Variants in RARS2 observed in about 807,000 individuals in gnomAD.
The protein encoded by RARS2 is arginyl-tRNA synthetase 2, mitochondrial.
Under a neutral mutation model 88.5 loss-of-function variants are expected in RARS2, and 67 were observed. The ratio of observed to expected loss-of-function variants is 0.76; its 90% CI spans 0.62 to 0.93. The LOEUF (loss-of-function observed/expected upper bound fraction) is 0.93, where lower values mean the gene tolerates loss of function less well. RARS2 is among the 40% of genes least tolerant of loss of function. RARS2 has a pLI of 0.00. For synonymous variants in RARS2, 239 were observed against 230.3 expected, an observed-to-expected ratio of 1.04 and a Z score of -0.34; for missense variants, 664 against 684.2, an observed-to-expected ratio of 0.97 and a Z score of 0.33.
intron 8 of RARS2, among the ~76,000 whole-genome samples, chr6:87,531,738 C>T (rs1398377827): frequency 1.3e-5 from 2 of 151,954 alleles, no homozygotes; most frequent in South Asian, 2.1e-4. Flanking sequence ...AATCTGTGTT[C>T]CCAATGTAGT....
At chr6:87,517,069 G>C (rs936391938) in intron 17 of RARS2, among the ~76,000 whole-genome samples, 189 bp from the exon 18 acceptor site, 1 of 152,170 alleles carries the variant, frequency 6.6e-6, no homozygotes, top group African/African-American at 2.4e-5. Flanking sequence ...ATGAGGTCAG[G>C]AGTTTGAGAG....
intron 2 of RARS2, among the ~76,000 whole-genome samples, chr6:87,566,162 T>G (rs1302413464): frequency 6.6e-6 from 1 of 152,104 alleles, no homozygotes; most frequent in African/African-American, 2.4e-5. Context: ...AAAAAATTTA[T>G]ATTAAAAAAT....
At chr6:87,523,167 T>C (rs1315071266) in intron 11 of RARS2, among the ~76,000 whole-genome samples, 1 of 152,202 alleles carries the variant, frequency 6.6e-6, no homozygotes, top group Non-Finnish European at 1.5e-5. Flanking sequence ...GGGAAATTTT[T>C]TGATTCAATC....
chr6:87,557,913 C>T (rs541392798), intron 4 of RARS2, among the ~76,000 whole-genome samples: 1 of 152,292 alleles, frequency 6.6e-6, no homozygotes, highest in African/African-American at 2.4e-5. Context: ...TGGTGGCTCA[C>T]ACCTATAATC....
rs1394106691 is a variant in RARS2, at chr6:87,559,463, C to CCAA, written c.297+3238_297+3239insTTG. Among the ~76,000 whole-genome samples, 747 of 93,226 alleles carry CCAA rather than the reference C, an allele frequency of 8.0e-3. 39 individuals are homozygous for CCAA. The highest frequency in any genetic ancestry group is 0.015 in the African/African-American group (381 of 26,134). The allele number at this position is 93,226 out of a possible 152,430, so 61.2% of individuals were successfully genotyped here. A position where few individuals can be genotyped will look rare whatever the true frequency, so the allele number is the denominator to read the frequency against. ...GGGCAACAAGAGTGAAACTCTGTCT[C>CCAA]AAAAAAAAAAAAAAAAAAAAAAAAA... On this transcript the variant is annotated intron_variant, in intron 4 of 19. Coordinates refer to ENST00000369536, the MANE Select transcript of RARS2 (RefSeq NM_020320.5).
intron 8 of RARS2, among the ~76,000 whole-genome samples, chr6:87,539,472 C>A (rs1267133670): frequency 1.3e-5 from 2 of 152,248 alleles, no homozygotes; most frequent in African/African-American, 2.4e-5. Flanking sequence ...TTACATTGGT[C>A]CAAGCAAGCA....
chr6:87,554,703 C>T (rs997469615), intron 5 of RARS2, among the ~76,000 whole-genome samples: 2 of 152,148 alleles, frequency 1.3e-5, no homozygotes, highest in African/African-American at 4.8e-5. Context: ...ATCCTCCCAC[C>T]TTGCCTTCCA....
intron 1 of RARS2, chr6:87,589,644 C>G (rs1776389371): frequency 7.1e-6 from 7 of 984,252 alleles, no homozygotes; most frequent in Non-Finnish European, 8.4e-6. Flanking sequence ...CTTGCCGCCA[C>G]CCAGGTAAAG....
At position 87,564,110 on chromosome 6, in the gene RARS2, A is replaced by G. The variant is rs1788667768; in HGVS notation, c.213+20T>C. The stretch of plus-strand genomic sequence containing the variant: ...ACAAGTTTATTACAATGTCAAAAAG[A>G]GATAATAGTGCTAACGTACCTTCTC... On this transcript the variant is annotated intron_variant, in intron 3 of 19. Transcript: ENST00000369536. 1.3e-6 allele frequency: 2 copies of G among 1,538,568 alleles called. No individual in the cohort carries two copies. The highest frequency in any genetic ancestry group is 1.8e-6 in the Non-Finnish European group (2 of 1,111,126).
intron 8 of RARS2, among the ~76,000 whole-genome samples, chr6:87,537,978 G>C (rs761666812): frequency 2.6e-5 from 4 of 152,122 alleles, no homozygotes; most frequent in Non-Finnish European, 4.4e-5. Context: ...TTGAGTTGTT[G>C]ACATTCAGAT....
intron 8 of RARS2, among the ~76,000 whole-genome samples, chr6:87,541,201 G>A (rs991210659): frequency 1.3e-5 from 2 of 152,158 alleles, no homozygotes; most frequent in African/African-American, 4.8e-5. Flanking sequence ...TTCTGAGACA[G>A]GGTCTTGCTC....
intron 1 of RARS2, chr6:87,584,728 T>G: frequency 2.2e-6 from 1 of 462,968 alleles, no homozygotes; most frequent in Non-Finnish European, 4.3e-6. Flanking sequence ...GAAAGAAACA[T>G]TTAATATGGA....
At position 87,520,274 on chromosome 6, in the gene RARS2, TATAAA is replaced by T. The variant is rs781226908; in HGVS notation, c.1036-23_1036-19del. 7 of 1,548,524 alleles carry T rather than the reference TATAAA, an allele frequency of 4.5e-6. No homozygotes were observed. The Middle Eastern group carries it at 5.1e-4, about 113-fold the overall frequency. On this transcript the variant is annotated intron_variant, in intron 12 of 19. Coordinates refer to ENST00000369536, the MANE Select transcript of RARS2 (RefSeq NM_020320.5). Reference sequence around the variant, plus strand: ...TTATCTGTCTTGGGAAGAAAATATATATAAAATAAAAGAATACTGACAAATTAATG... The same window carrying T: ...TTATCTGTCTTGGGAAGAAAATATATATAAAAGAATACTGACAAATTAATG...
chr6:87,581,327 A>C (rs907964409), intron 1 of RARS2, among the ~76,000 whole-genome samples: 76 of 152,176 alleles, frequency 5.0e-4, no homozygotes, highest in African/African-American at 1.6e-3. Context: ...ACATTAACAT[A>C]ATCTATAGGC....
chr6:87,562,447 A>G (rs1788132297), intron 4 of RARS2, among the ~76,000 whole-genome samples: 1 of 152,218 alleles, frequency 6.6e-6, no homozygotes, highest in African/African-American at 2.4e-5. Flanking sequence ...ATGAAATGTC[A>G]TTATGTGGTA....
intron 8 of RARS2, among the ~76,000 whole-genome samples, chr6:87,538,775 T>C (rs1779965517): frequency 6.6e-6 from 1 of 152,168 alleles, no homozygotes; most frequent in East Asian, 1.9e-4. Context: ...GGCTCACACC[T>C]ATAATCCCAG....
At chr6:87,556,889 T>C (rs1252246045) in intron 4 of RARS2, among the ~76,000 whole-genome samples, 1 of 151,370 alleles carries the variant, frequency 6.6e-6, no homozygotes, top group East Asian at 1.9e-4. Context: ...TGGGCTCAAA[T>C]GATCCTGACA....
chr6:87,550,658 T>C lies in RARS2; in HGVS notation c.396-2012A>G, dbSNP rs545694821. 4.0e-5 allele frequency among the ~76,000 whole-genome samples: 6 copies of C among 150,004 alleles called. No homozygotes were observed. The East Asian group carries it at 9.8e-4, about 24-fold the overall frequency. ...TATATGTTTAAATATGGTGAAATTA[T>C]ATGTTTAAATAAGTATTGTATGTAC... On this transcript the variant is annotated intron_variant, in intron 5 of 19. Transcript: ENST00000369536.
chr6:87,519,182 A>ATGTGTGTGTGTGTGTGTGTGTG (rs772148859), intron 14 of RARS2: 1 of 203,368 alleles, frequency 4.9e-6, no homozygotes, highest in African/African-American at 4.0e-5. Context: ...ATATAAATAT[A>ATGTGTGTGTGTGTGTGTGTGTG]TATGTGTGTG....
Sources: gnomAD v4.1 joint callset for allele counts (sites outside exome capture counted in the v4.1 genomes callset) on GRCh38, gnomAD v4.1.1 for gene constraint, MANE v1.5 for transcripts, NCBI Gene and HGNC (gene_info 2026-07-23, HGNC 2026-07-21) for gene names.